CELF2: variants seen among roughly 807,000 people sequenced by gnomAD.
CELF2 encodes the protein CUG triplet repeat RNA-binding protein 2.
Under a neutral mutation model 62.6 loss-of-function variants are expected in CELF2, and 8 were observed. The observed-to-expected ratio is 0.13, with a 90% CI of 0.07 to 0.23. The LOEUF (loss-of-function observed/expected upper bound fraction) is 0.23, where lower values mean the gene tolerates loss of function less well. Among genes scored for constraint, CELF2 ranks in the 10% least tolerant of loss-of-function variants. CELF2 has a pLI of 1.00. For synonymous variants in CELF2, 258 were observed against 250.0 expected (o/e 1.03, Z -0.30); for missense variants, 333 against 671.0 (o/e 0.50, Z 5.56).
At chr10:10,581,822 G>T in the CELF2 span, among the ~76,000 whole-genome samples, 2 of 152,196 alleles carry the variant, frequency 1.3e-5, no homozygotes, top group Non-Finnish European at 2.9e-5. Flanking sequence ...GAGGTCAGGT[G>T]TTTGAGAACA....
the CELF2 span, among the ~76,000 whole-genome samples, chr10:10,501,871 A>T: frequency 6.6e-6 from 1 of 152,176 alleles, no homozygotes; most frequent in Non-Finnish European, 1.5e-5. Context: ...AAGCATTCAG[A>T]CTTTCATGAT....
chr10:10,690,605 C>T, the CELF2 span, among the ~76,000 whole-genome samples: 1 of 152,180 alleles, frequency 6.6e-6, no homozygotes, highest in Non-Finnish European at 1.5e-5. Flanking sequence ...CATGGTTGGG[C>T]ACAGTGGTGC....
the CELF2 span, among the ~76,000 whole-genome samples, chr10:10,663,589 T>C: frequency 6.6e-6 from 1 of 152,182 alleles, no homozygotes; most frequent in African/African-American, 2.4e-5. Context: ...TCTCACATAA[T>C]GCTCAGAAGA....
At chr10:11,172,084 G>A (rs2069077187) in intron 2 of CELF2, among the ~76,000 whole-genome samples, 1 of 152,194 alleles carries the variant, frequency 6.6e-6, no homozygotes, top group African/African-American at 2.4e-5. Flanking sequence ...ACATTTTAAC[G>A]CATGCAAGTA....
intron 5 of CELF2, among the ~76,000 whole-genome samples, chr10:11,263,014 G>A (rs11257037): frequency 8.5e-6 from 1 of 117,396 alleles, no homozygotes; most frequent in Non-Finnish European, 1.6e-5. Context: ...TTGCAGCTAA[G>A]AAAAAAGGTG....
chr10:11,069,214 TA>T (rs1042705372), intron 1 of CELF2, among the ~76,000 whole-genome samples: 1 of 152,068 alleles, frequency 6.6e-6, no homozygotes, highest in Admixed American at 6.5e-5. Flanking sequence ...TTATGTAAAT[TA>T]AAAAAAATCT....
the CELF2 span, among the ~76,000 whole-genome samples, chr10:10,565,712 CT>C: frequency 3.3e-5 from 5 of 152,148 alleles, no homozygotes; most frequent in African/African-American, 1.2e-4. Context: ...TACAGACTTC[CT>C]TTTAATAAGC....
rs940055327 is a variant in CELF2 at position 11,269,241 on chromosome 10, A to G, written c.619-1425A>G. ...ATGATGGAAATACTATTTTTGTGCA[A>G]TTTACTGACATTTAACATTCTGTAC... On this transcript the variant is annotated intron_variant, in intron 6 of 12. Coordinates refer to ENST00000633077, the MANE Select transcript of CELF2 (RefSeq NM_001326342.2). The surrounding 1 kb of genome is among the most constrained non-coding windows in gnomAD (Gnocchi z 4.4). 2.6e-5 allele frequency among the ~76,000 whole-genome samples: 4 copies of G among 152,212 alleles called. No homozygotes were observed. Among genetic ancestry groups the G allele is most frequent in the African/African-American group, 4.8e-5 (2 of 41,444 alleles).
chr10:11,063,013 G>A (rs969523188), intron 1 of CELF2, among the ~76,000 whole-genome samples: 3 of 152,088 alleles, frequency 2.0e-5, no homozygotes, highest in Non-Finnish European at 1.5e-5. Context: ...TGCAAGCAGC[G>A]GAAGACTCAA....
At chr10:10,914,628 G>A (rs1264024259) in intron 1 of CELF2, among the ~76,000 whole-genome samples, 1 of 152,064 alleles carries the variant, frequency 6.6e-6, no homozygotes, top group Non-Finnish European at 1.5e-5. Flanking sequence ...TCAGGCTGAT[G>A]ATCACACCAA....
At chr10:11,215,329 C>T (rs1163739286) in intron 2 of CELF2, among the ~76,000 whole-genome samples, 2 of 152,224 alleles carry the variant, frequency 1.3e-5, no homozygotes, top group Non-Finnish European at 2.9e-5. Context: ...CCATTTACGT[C>T]ATCATTGTTC....
the CELF2 span, among the ~76,000 whole-genome samples, chr10:10,741,489 T>A: frequency 1.1e-5 from 1 of 93,810 alleles, no homozygotes; most frequent in South Asian, 5.4e-4. Context: ...AGAGACTCCG[T>A]CTCAAAAAAA....
intron 1 of CELF2, among the ~76,000 whole-genome samples, chr10:10,881,024 A>G (rs1036376188): frequency 7.2e-5 from 11 of 152,056 alleles, no homozygotes; most frequent in African/African-American, 2.7e-4. Context: ...GGAATTCCAG[A>G]CCCCGGTGAT....
chr10:10,804,701 A>G (rs1470317330), intron 1 of CELF2, among the ~76,000 whole-genome samples: 2 of 152,224 alleles, frequency 1.3e-5, no homozygotes, highest in Non-Finnish European at 2.9e-5. Context: ...AGAACCTCCC[A>G]TTAATGAAAA....
chr10:10,649,618 G>C, the CELF2 span, among the ~76,000 whole-genome samples: 1 of 152,136 alleles, frequency 6.6e-6, no homozygotes, highest in African/African-American at 2.4e-5. Context: ...AGTCATAATA[G>C]ACTTGCAAAA....
intron 2 of CELF2, among the ~76,000 whole-genome samples, chr10:11,212,546 GAA>G (rs1475128595): frequency 1.6e-4 from 24 of 152,198 alleles, no homozygotes; most frequent in African/African-American, 5.5e-4. Context: ...GTCAACAGAA[GAA>G]GTCATCACTA....
chr10:11,136,399 C>T (rs1158344362), intron 1 of CELF2, among the ~76,000 whole-genome samples: 3 of 152,074 alleles, frequency 2.0e-5, no homozygotes, highest in African/African-American at 4.8e-5. Flanking sequence ...GGTCAGGAGT[C>T]GAGACTGGCC....
intron 1 of CELF2, among the ~76,000 whole-genome samples, chr10:11,086,449 C>G (rs1427075077): frequency 1.3e-5 from 2 of 151,886 alleles, no homozygotes; most frequent in African/African-American, 4.8e-5. Context: ...CGCCAACATT[C>G]CAACATCATT....
rs942316928 is a variant in CELF2 at position 11,098,431 on chromosome 10, A to T, written c.75-67055A>T. 3.3e-5 allele frequency: 5 copies of T among 152,196 alleles called. No homozygotes were observed. The highest frequency in any genetic ancestry group is 1.2e-4 in the African/African-American group (5 of 41,438). 9.4% of individuals were successfully genotyped at this position (152,196 alleles called of 1,614,324 possible). A position where few individuals can be genotyped will look rare whatever the true frequency, so the allele number is the denominator to read the frequency against. On this transcript the variant is annotated intron_variant, in intron 1 of 12. Coordinates refer to ENST00000633077, the MANE Select transcript of CELF2 (RefSeq NM_001326342.2). The surrounding 1 kb of genome is among the most constrained non-coding windows in gnomAD (Gnocchi z 4.0). ...CCCTTAGGTCAGGCACATTGACGTG[A>T]GCTCAAACCCCCATGTACTGCAGAG...
Sources: allele counts gnomAD v4.1 joint callset (sites outside exome capture counted in the v4.1 genomes callset), GRCh38; gene constraint gnomAD v4.1.1; non-coding constraint Gnocchi (gnomAD v3.1); transcripts MANE v1.5; gene names NCBI Gene and HGNC (gene_info 2026-07-23, HGNC 2026-07-21).